MBNL2: variants seen among roughly 807,000 people sequenced by gnomAD.
MBNL2 encodes the protein muscleblind-like protein 2.
A neutral mutation model predicts 41.9 loss-of-function variants in MBNL2; 17 were observed. The ratio of observed to expected loss-of-function variants is 0.41; its 90% confidence interval spans 0.28 to 0.61. The LOEUF is 0.61. Ranked by LOEUF, MBNL2 falls within the 20% of genes least tolerant of loss-of-function variation. MBNL2 has a pLI of 0.35. For synonymous variants in MBNL2, 195 were observed against 182.9 expected (o/e 1.07, Z -0.53); for missense variants, 336 against 505.6 (o/e 0.66, Z 3.22).
At position 97,347,076 on chromosome 13, in the gene MBNL2, G is replaced by T; in HGVS notation, c.804+9G>T. 1.3e-6 allele frequency: 2 copies of T among 1,538,900 alleles called. No individual in the cohort carries two copies. Among genetic ancestry groups the T allele is most frequent in the Non-Finnish European group, 1.7e-6 (2 of 1,145,024 alleles). On this transcript the variant is annotated intron_variant, in intron 5 of 8. Coordinates refer to ENST00000679496, the MANE Select transcript of MBNL2 (RefSeq NM_001382683.1). ...CCGCGGCCACAGTCATGGTAAGTGC[G>T]GCCGCCCGCCGCCCCTGCACCCCGG...
intron 2 of MBNL2, among the ~76,000 whole-genome samples, chr13:97,307,070 T>C (rs998376977): frequency 5.9e-5 from 9 of 152,194 alleles, no homozygotes; most frequent in Admixed American, 4.6e-4. Context: ...TCTCCCTGGT[T>C]AAATTGAAAA....
intron 2 of MBNL2, among the ~76,000 whole-genome samples, chr13:97,320,114 T>A (rs1326113328): frequency 1.3e-5 from 2 of 152,196 alleles, no homozygotes; most frequent in Non-Finnish European, 2.9e-5. Flanking sequence ...GAGGTGGCTG[T>A]GCTCGCTTCC....
At chr13:97,365,193 T>C in intron 8 of MBNL2, 22 bp downstream of exon 8, 1 of 1,537,834 alleles carries the variant, frequency 6.5e-7, no homozygotes, top group Non-Finnish European at 9.0e-7. Flanking sequence ...CCTTTTTTAT[T>C]TGTCTTTTAT....
At chr13:97,141,933 C>A in the MBNL2 span, among the ~76,000 whole-genome samples, 2 of 152,156 alleles carry the variant, frequency 1.3e-5, no homozygotes, top group African/African-American at 4.8e-5. Context: ...CGTGTGATCA[C>A]CTTTTCTCCT....
chr13:97,338,365 C>G (rs142329152), intron 3 of MBNL2, among the ~76,000 whole-genome samples: 99 of 152,326 alleles, frequency 6.5e-4, no homozygotes, highest in Middle Eastern at 3.4e-3. Context: ...GAGCCCTCCT[C>G]CTTCTTTGCT....
intron 2 of MBNL2, among the ~76,000 whole-genome samples, chr13:97,295,859 G>T (rs1335218189): frequency 6.6e-6 from 1 of 151,990 alleles, no homozygotes; most frequent in Non-Finnish European, 1.5e-5. Context: ...CAGCATTTAA[G>T]GTATAGAACA....
intron 8 of MBNL2, among the ~76,000 whole-genome samples, chr13:97,377,057 A>G (rs1301051942): frequency 1.3e-5 from 2 of 152,140 alleles, no homozygotes; most frequent in Non-Finnish European, 2.9e-5. Flanking sequence ...CAGCGACAAC[A>G]TAACTCAGCT....
At position 97,391,768 on chromosome 13, in the gene MBNL2, T is replaced by C. The variant is rs750855944; in HGVS notation, c.*319T>C. On this transcript the variant is annotated 3_prime_UTR_variant, in exon 9 of 9. Coordinates refer to ENST00000679496, the MANE Select transcript of MBNL2 (RefSeq NM_001382683.1). Reference sequence around the variant, plus strand: ...AGCATTAGTTAAAAAAGAAACATATTCCAAGGGCAGGTTCGATTCTAGCTC... The same window carrying C: ...AGCATTAGTTAAAAAAGAAACATATCCCAAGGGCAGGTTCGATTCTAGCTC... 5 of 226,088 alleles carry C rather than the reference T, an allele frequency of 2.2e-5. No homozygotes were observed. The highest frequency in any genetic ancestry group is 2.6e-5 in the Non-Finnish European group (3 of 117,262). 14.0% of individuals were successfully genotyped at this position (226,088 alleles called of 1,614,324 possible).
At chr13:97,243,757 A>G (rs2044817443) in intron 1 of MBNL2, among the ~76,000 whole-genome samples, 1 of 152,216 alleles carries the variant, frequency 6.6e-6, no homozygotes, top group South Asian at 2.1e-4. Context: ...CAACAAACGA[A>G]TTAAGAGCTA....
At chr13:97,339,506 A>G (rs542378050) in intron 3 of MBNL2, among the ~76,000 whole-genome samples, 11 of 152,194 alleles carry the variant, frequency 7.2e-5, no homozygotes, top group Non-Finnish European at 1.3e-4. Context: ...CGTGGACCAA[A>G]TGGATCCTGT....
intron 2 of MBNL2, among the ~76,000 whole-genome samples, chr13:97,319,540 C>T (rs529518797): frequency 1.3e-5 from 2 of 152,262 alleles, no homozygotes; most frequent in South Asian, 2.1e-4. Context: ...TGACCCCACC[C>T]GTGTCACGGG....
At chr13:97,224,267 C>T (rs1239316466) in intron 1 of MBNL2, among the ~76,000 whole-genome samples, 1 of 152,166 alleles carries the variant, frequency 6.6e-6, no homozygotes, top group Admixed American at 6.5e-5. Context: ...CCACCAAGTT[C>T]AAGGCTGGTT....
intron 1 of MBNL2, among the ~76,000 whole-genome samples, chr13:97,267,971 C>A (rs986240319): frequency 2.6e-5 from 4 of 152,208 alleles, no homozygotes; most frequent in Non-Finnish European, 4.4e-5. Flanking sequence ...CATCAGCCGC[C>A]CCCTGGATGG....
At chr13:97,158,871 T>C in the MBNL2 span, among the ~76,000 whole-genome samples, 1 of 151,882 alleles carries the variant, frequency 6.6e-6, no homozygotes, top group African/African-American at 2.4e-5. Context: ...ATGTATATTC[T>C]GTTGATTTGG....
chr13:97,333,287 T>C lies in MBNL2; in HGVS notation c.175-989T>C, dbSNP rs529636677. On this transcript the variant is annotated intron_variant, in intron 2 of 8. Transcript: ENST00000679496. ...TCACACATCAATGTAATTCTTTCAA[T>C]TGGTAGTTTTGAAAACTTGGGGATG... is the stretch of plus-strand genomic sequence containing the variant. Among the ~76,000 whole-genome samples, 119 of 152,330 alleles carry C rather than the reference T, an allele frequency of 7.8e-4. 3 individuals carry two copies. The South Asian group carries it at 0.025, about 32-fold the overall frequency.
the MBNL2 span, among the ~76,000 whole-genome samples, chr13:97,150,428 G>C: frequency 6.6e-6 from 1 of 152,132 alleles, no homozygotes; most frequent in Non-Finnish European, 1.5e-5. Context: ...GGTCTCTTCA[G>C]GTTGGCCTGA....
At chr13:97,288,227 G>A (rs1342992300) in intron 2 of MBNL2, among the ~76,000 whole-genome samples, 1 of 152,054 alleles carries the variant, frequency 6.6e-6, no homozygotes, top group African/African-American at 2.4e-5. Context: ...AAAATTCAAA[G>A]GCAGGGATCT....
At chr13:97,280,714 C>T (rs576548177) in intron 2 of MBNL2, among the ~76,000 whole-genome samples, 73 of 152,334 alleles carry the variant, frequency 4.8e-4, no homozygotes, top group Middle Eastern at 3.4e-3. Context: ...ACTCCAGCCA[C>T]GCATCTTTGC....
At chr13:97,231,913 A>G (rs55845033) in intron 1 of MBNL2, among the ~76,000 whole-genome samples, 5,215 of 152,192 alleles carry the variant, frequency 0.034, 138 homozygotes, top group South Asian at 0.12. Flanking sequence ...GCCTACTTGC[A>G]TCCTCACATC....
Sources: allele counts gnomAD v4.1 joint callset (sites outside exome capture counted in the v4.1 genomes callset), GRCh38; gene constraint gnomAD v4.1.1; transcripts MANE v1.5; gene names NCBI Gene and HGNC (gene_info 2026-07-23, HGNC 2026-07-21).